EHBP1: variants seen among roughly 807,000 people sequenced by gnomAD.
EHBP1 encodes the protein EH domain binding protein 1.
Under a neutral mutation model 144.0 loss-of-function variants are expected in EHBP1, and 55 were observed. The observed-to-expected ratio is 0.38, with a 90% CI of 0.31 to 0.48. The LOEUF (loss-of-function observed/expected upper bound fraction) is 0.48. Ranked by LOEUF, EHBP1 falls within the 20% of genes least tolerant of loss-of-function variation. The pLI is 0.98. For synonymous variants in EHBP1, 469 were observed against 472.7 expected (o/e 0.99, Z 0.10); for missense variants, 1,200 against 1,364.2 (o/e 0.88, Z 1.90).
intron 19 of EHBP1, among the ~76,000 whole-genome samples, chr2:62,999,981 A>G (rs1481894832): frequency 1.3e-5 from 2 of 152,262 alleles, no homozygotes; most frequent in Non-Finnish European, 2.9e-5. Flanking sequence ...AATTCCAAAT[A>G]TAACTAAATA....
At chr2:63,038,662 A>C (rs992266864) in intron 20 of EHBP1, 81 bp from the exon 21 acceptor site, 2 of 1,337,648 alleles carry the variant, frequency 1.5e-6, no homozygotes, top group African/African-American at 2.9e-5. Flanking sequence ...TGAGTCCTAA[A>C]ATCAATGTAA....
chr2:62,677,630 C>A (rs754133136), intron 1 of EHBP1, among the ~76,000 whole-genome samples: 3 of 152,022 alleles, frequency 2.0e-5, no homozygotes, highest in Non-Finnish European at 4.4e-5. Context: ...CCCACTTCCC[C>A]CCACCTACCC....
intron 4 of EHBP1, among the ~76,000 whole-genome samples, chr2:62,768,839 G>A (rs551121382): frequency 7.8e-4 from 119 of 152,222 alleles, no homozygotes; most frequent in Non-Finnish European, 1.6e-3. Context: ...CTTAGTCCTC[G>A]GAATGCAAAG....
intron 9 of EHBP1, among the ~76,000 whole-genome samples, chr2:62,874,117 G>A (rs904811069): frequency 1.4e-4 from 21 of 152,098 alleles, no homozygotes; most frequent in African/African-American, 5.1e-4. Context: ...TGAGCTGAAT[G>A]TGACCTTGTA....
intron 19 of EHBP1, among the ~76,000 whole-genome samples, chr2:63,011,305 A>G (rs2060258458): frequency 6.6e-6 from 1 of 151,948 alleles, no homozygotes; most frequent in Non-Finnish European, 1.5e-5. Context: ...TTTAAGTCAT[A>G]GGAACCTAAA....
At chr2:62,849,469 C>T (rs1383869600) in intron 7 of EHBP1, among the ~76,000 whole-genome samples, 1 of 152,096 alleles carries the variant, frequency 6.6e-6, no homozygotes, top group Non-Finnish European at 1.5e-5. Context: ...CCAGTCAACC[C>T]ACAGAACTTT....
At chr2:62,751,551 A>T (rs977688418) in intron 3 of EHBP1, among the ~76,000 whole-genome samples, 2 of 152,182 alleles carry the variant, frequency 1.3e-5, no homozygotes, top group African/African-American at 4.8e-5. Flanking sequence ...ATAGTTTCAG[A>T]AGGAATAGTA....
chr2:62,837,848 G>T (rs1414264893), intron 7 of EHBP1, among the ~76,000 whole-genome samples: 3 of 151,272 alleles, frequency 2.0e-5, no homozygotes, highest in South Asian at 2.1e-4. Flanking sequence ...AGCAAGTCCT[G>T]AGTGACCTAC....
chr2:62,873,948 A>G (rs1345145886), intron 9 of EHBP1, among the ~76,000 whole-genome samples: 2 of 152,206 alleles, frequency 1.3e-5, no homozygotes, highest in Non-Finnish European at 2.9e-5. Flanking sequence ...ACATAGAAGA[A>G]AAGATGAAAT....
At chr2:63,004,355 C>G (rs2153230627) in intron 19 of EHBP1, among the ~76,000 whole-genome samples, 1 of 152,082 alleles carries the variant, frequency 6.6e-6, no homozygotes, top group African/African-American at 2.4e-5. Flanking sequence ...TTAACTACAT[C>G]TTAAGAAAAT....
At chr2:62,854,015 A>G (rs1374047620) in intron 7 of EHBP1, among the ~76,000 whole-genome samples, 1 of 152,216 alleles carries the variant, frequency 6.6e-6, no homozygotes, top group African/African-American at 2.4e-5. Flanking sequence ...CAGTACATTT[A>G]GCATCATTTT....
intron 7 of EHBP1, among the ~76,000 whole-genome samples, chr2:62,850,655 A>G (rs1057025831): frequency 1.3e-5 from 2 of 152,174 alleles, no homozygotes; most frequent in African/African-American, 4.8e-5. Flanking sequence ...TTTCTGTGAA[A>G]CAAGACTTTA....
At chr2:63,044,782 G>C (rs1053103182) in intron 21 of EHBP1, 1 of 248,882 alleles carries the variant, frequency 4.0e-6, no homozygotes, top group African/African-American at 2.2e-5. Context: ...ACTTTGGCTG[G>C]ATTCAGGTGC....
At chr2:63,014,289 T>G (rs1417094721) in intron 19 of EHBP1, among the ~76,000 whole-genome samples, 1 of 152,222 alleles carries the variant, frequency 6.6e-6, no homozygotes, top group Non-Finnish European at 1.5e-5. Flanking sequence ...ATCTGCCCCT[T>G]TAGCTGTATT....
intron 10 of EHBP1, among the ~76,000 whole-genome samples, chr2:62,923,229 C>G (rs1489780656): frequency 6.6e-6 from 1 of 152,196 alleles, no homozygotes; most frequent in Non-Finnish European, 1.5e-5. Context: ...TTGGCTATGA[C>G]ATTGGTCCTG....
At chr2:62,921,542 A>G (rs1201111647) in intron 10 of EHBP1, among the ~76,000 whole-genome samples, 1 of 151,790 alleles carries the variant, frequency 6.6e-6, no homozygotes, top group Non-Finnish European at 1.5e-5. Context: ...TTAAAATTTC[A>G]CTCTGGAAAA....
At chr2:62,822,327 G>T (rs1484601668) in intron 5 of EHBP1, among the ~76,000 whole-genome samples, 1 of 151,968 alleles carries the variant, frequency 6.6e-6, no homozygotes, top group African/African-American at 2.4e-5. Context: ...ACCTAGTGGG[G>T]GTCCATGCAT....
chr2:62,836,258 C>G (rs1227443672), intron 7 of EHBP1, among the ~76,000 whole-genome samples: 2 of 152,036 alleles, frequency 1.3e-5, no homozygotes, highest in Admixed American at 6.5e-5. Flanking sequence ...GCAGGGCATT[C>G]CAACAGACCT....
rs137916690 is a variant in EHBP1, at chr2:62,911,750, C to T, written c.1186-30968C>T. On this transcript the variant is annotated intron_variant, in intron 10 of 22. Transcript: ENST00000431489. ...GTGCTGAGATTACAGACGTGAGCCA[C>T]GGCACCCAGCCTAGCAACTTTTAAA... Among the ~76,000 whole-genome samples, 11 of 152,252 alleles carry T rather than the reference C, an allele frequency of 7.2e-5. No individual in the cohort carries two copies. The East Asian group carries it at 1.7e-3, about 24-fold the overall frequency.
Sources: allele counts gnomAD v4.1 joint callset (sites outside exome capture counted in the v4.1 genomes callset), GRCh38; gene constraint gnomAD v4.1.1; transcripts MANE v1.5; gene names NCBI Gene and HGNC (gene_info 2026-07-23, HGNC 2026-07-21).